The following ZBTB8OS variants were observed in gnomAD, a reference collection of about 807,000 sequenced individuals.
ZBTB8OS encodes the protein tRNA splicing ligase complex subunit 1.
Under a neutral mutation model 29.3 loss-of-function variants are expected in ZBTB8OS, and 16 were observed. The ratio of observed to expected loss-of-function variants is 0.55; its 90% CI spans 0.37 to 0.83. ZBTB8OS has a LOEUF of 0.83. ZBTB8OS is among the 40% of genes least tolerant of loss of function. The probability of loss-of-function intolerance (pLI) is 0.00; values close to 1 mark genes in which losing one functional copy is unlikely to be tolerated. For missense variants in ZBTB8OS, 160 were observed against 196.9 expected (o/e 0.81, Z 1.12); for synonymous variants, 70 against 64.6 (o/e 1.08, Z -0.40).
chr1:32,644,509 T>C (rs998376473), intron 1 of ZBTB8OS, among the ~76,000 whole-genome samples: 1 of 150,804 alleles, frequency 6.6e-6, no homozygotes, highest in East Asian at 2.0e-4. Context: ...ACTGCTTCTA[T>C]CCTAAGAATG....
In ZBTB8OS at chr1:32,641,120, C is replaced by T. The variant is rs150958702; in HGVS notation, c.98-6328G>A. On this transcript the variant is annotated intron_variant, in intron 1 of 6. Coordinates refer to ENST00000468695, the MANE Select transcript of ZBTB8OS (RefSeq NM_178547.5). Reference sequence around the variant, plus strand: ...CTAGAAGGTGGAGGTTGCAGTAAGCCGAGATCGTGCCACTGCTCTCCAGCC... The same window carrying T: ...CTAGAAGGTGGAGGTTGCAGTAAGCTGAGATCGTGCCACTGCTCTCCAGCC... 8.8e-3 allele frequency among the ~76,000 whole-genome samples: 1,338 copies of T among 151,902 alleles called. 21 individuals are homozygous for T. The highest frequency in any genetic ancestry group is 0.03 in the African/African-American group (1,255 of 41,444).
intron 1 of ZBTB8OS, among the ~76,000 whole-genome samples, chr1:32,643,377 G>A (rs769172309): frequency 1.3e-5 from 1 of 79,824 alleles, no homozygotes; most frequent in Non-Finnish European, 2.8e-5. Context: ...TTGGCCTTTA[G>A]TTTTTGTTTT....
intron 6 of ZBTB8OS, 72 bp from the exon 7 acceptor site, chr1:32,622,020 G>A: frequency 1.9e-6 from 2 of 1,041,966 alleles, no homozygotes; most frequent in Non-Finnish European, 2.8e-6. Context: ...ATTAACTCTA[G>A]CAACAATCAG....
chr1:32,622,843 A>T (rs1228676071), intron 6 of ZBTB8OS, among the ~76,000 whole-genome samples: 4 of 152,078 alleles, frequency 2.6e-5, no homozygotes, highest in Non-Finnish European at 5.9e-5. Context: ...TGAAATCAAA[A>T]CCACCTCCTT....
intron 6 of ZBTB8OS, among the ~76,000 whole-genome samples, chr1:32,625,448 C>A (rs1317564491): frequency 6.6e-6 from 1 of 152,156 alleles, no homozygotes; most frequent in East Asian, 1.9e-4. Context: ...GCAGGAGAAT[C>A]GCTTGAACCT....
intron 5 of ZBTB8OS, among the ~76,000 whole-genome samples, chr1:32,629,894 A>T (rs959569553): frequency 2.6e-5 from 4 of 151,710 alleles, no homozygotes; most frequent in African/African-American, 4.8e-5. Flanking sequence ...TTCAGATTAC[A>T]GGTGCCCACC....
At chr1:32,646,049 G>C (rs1354676814) in intron 1 of ZBTB8OS, among the ~76,000 whole-genome samples, 1 of 152,186 alleles carries the variant, frequency 6.6e-6, no homozygotes, top group African/African-American at 2.4e-5. Flanking sequence ...GCTGGGTGCA[G>C]TGCCTCACGT....
In ZBTB8OS at chr1:32,650,420, G is replaced by A. The variant is rs746293258; in HGVS notation, c.97+13C>T. ...TGCTTACATGTAAAGAGAGAAGTAA[G>A]CCACCTACTCACACTCGTACTTCCT... is the stretch of plus-strand genomic sequence containing the variant. On this transcript the variant is annotated intron_variant, in intron 1 of 6. Coordinates refer to ENST00000468695, the MANE Select transcript of ZBTB8OS (RefSeq NM_178547.5). The A allele has an allele frequency of 3.1e-6, 5 of 1,614,098 alleles. No individual in the cohort carries two copies. In the Admixed American group the frequency reaches 6.7e-5, roughly 22 times the overall value.
chr1:32,631,981 A>T, intron 4 of ZBTB8OS, 102 bp from the exon 5 acceptor site: 2 of 391,098 alleles, frequency 5.1e-6, no homozygotes, highest in Non-Finnish European at 9.2e-6. Flanking sequence ...TCTACTAAAA[A>T]TTGGTAAAAC....
intron 5 of ZBTB8OS, among the ~76,000 whole-genome samples, chr1:32,631,008 A>AAAAT (rs969883418): frequency 1.3e-5 from 2 of 152,122 alleles, no homozygotes; most frequent in East Asian, 1.9e-4. Flanking sequence ...CTCTGTCTCA[A>AAAAT]AAATAAATAA....
intron 1 of ZBTB8OS, among the ~76,000 whole-genome samples, chr1:32,644,534 CTTTT>C (rs57960226): frequency 2.4e-5 from 3 of 127,036 alleles, no homozygotes; most frequent in Admixed American, 8.3e-5. Context: ...TTTCTTTTTC[CTTTT>C]TTTTTTTTTT....
chr1:32,634,553 G>A, intron 2 of ZBTB8OS: 2 of 581,072 alleles, frequency 3.4e-6, no homozygotes, highest in South Asian at 2.4e-5. Flanking sequence ...TTTTTGAGAT[G>A]GGGTCTCTCT....
At chr1:32,640,642 A>G (rs7555493) in intron 1 of ZBTB8OS, among the ~76,000 whole-genome samples, 130,550 of 151,954 alleles carry the variant, frequency 0.86, 57,718 homozygotes, top group Non-Finnish European at 0.96. Context: ...AAGTCTCCCA[A>G]GTGGTAAGGA....
Position 32,636,836 on chromosome 1 carries a change from G to GC in ZBTB8OS, c.98-2045dup, listed in dbSNP as rs1199433468. On this transcript the variant is annotated intron_variant, in intron 1 of 6. Coordinates refer to ENST00000468695, the MANE Select transcript of ZBTB8OS (RefSeq NM_178547.5). ...TTGTTCTAGCAAACACCTTATGTAG[G>GC]CCCCCAAATTTCCTTTCTTAGAGCA... Among the ~76,000 whole-genome samples the GC allele has an allele frequency of 7.9e-5, 12 of 151,964 alleles. No homozygotes were observed. The East Asian group carries it at 2.3e-3, about 29-fold the overall frequency.
At chr1:32,640,537 C>T (rs559979661) in intron 1 of ZBTB8OS, among the ~76,000 whole-genome samples, 11 of 152,036 alleles carry the variant, frequency 7.2e-5, no homozygotes, top group Non-Finnish European at 1.0e-4. Context: ...TTTTTTGAGA[C>T]GGAGTCTCAC....
intron 1 of ZBTB8OS, among the ~76,000 whole-genome samples, chr1:32,646,666 A>C (rs1037555778): frequency 6.6e-6 from 1 of 151,956 alleles, no homozygotes; most frequent in African/African-American, 2.4e-5. Context: ...TGTATAAAAA[A>C]AAAATTAGGA....
At chr1:32,641,274 T>C (rs999831764) in intron 1 of ZBTB8OS, among the ~76,000 whole-genome samples, 3 of 145,018 alleles carry the variant, frequency 2.1e-5, no homozygotes, top group African/African-American at 7.6e-5. Context: ...AGTTTTTTTT[T>C]TTTTTTTTTT....
At chr1:32,627,599 A>G in intron 5 of ZBTB8OS, 55 bp from the exon 6 acceptor site, 2 of 1,550,238 alleles carry the variant, frequency 1.3e-6, no homozygotes, top group Non-Finnish European at 1.8e-6. Context: ...TATATGTTTT[A>G]AAATAAGCCT....
At chr1:32,646,696 GT>G (rs1176837346) in intron 1 of ZBTB8OS, among the ~76,000 whole-genome samples, 1 of 151,544 alleles carries the variant, frequency 6.6e-6, no homozygotes, top group Non-Finnish European at 1.5e-5. Flanking sequence ...TAAAATCTCA[GT>G]GGACAAGGCA....
Sources: allele counts gnomAD v4.1 joint callset (sites outside exome capture counted in the v4.1 genomes callset), GRCh38; gene constraint gnomAD v4.1.1; transcripts MANE v1.5; gene names NCBI Gene and HGNC (gene_info 2026-07-23, HGNC 2026-07-21).